The following INTU variants were observed in gnomAD, a reference collection of about 807,000 sequenced individuals.
INTU encodes inturned planar cell polarity protein.
A neutral mutation model predicts 100.5 loss-of-function variants in INTU; 68 were observed. The ratio of observed to expected loss-of-function variants is 0.68; its 90% CI spans 0.56 to 0.83. INTU has a LOEUF of 0.83. Ranked by LOEUF, INTU falls within the 40% of genes least tolerant of loss-of-function variation. The probability of loss-of-function intolerance (pLI) is 0.00; values close to 1 mark genes in which losing one functional copy is unlikely to be tolerated. For missense variants in INTU, 1,071 were observed against 1,114.7 expected, an observed-to-expected ratio of 0.96 and a Z score of 0.56; for synonymous variants, 357 against 395.7, an observed-to-expected ratio of 0.90 and a Z score of 1.16.
chr4:127,656,826 A>G (rs1335882118), intron 3 of INTU, 105 bp downstream of exon 3: 7 of 605,578 alleles, frequency 1.2e-5, no homozygotes, highest in African/African-American at 9.1e-5. Context: ...ATCATGTATA[A>G]TGGATGAGTT....
At chr4:127,636,415 A>G (rs2126170421) in intron 1 of INTU, among the ~76,000 whole-genome samples, 1 of 152,220 alleles carries the variant, frequency 6.6e-6, no homozygotes, top group African/African-American at 2.4e-5. Flanking sequence ...GTTCGAGACC[A>G]GCCTGGCCAA....
intron 8 of INTU, among the ~76,000 whole-genome samples, chr4:127,697,770 G>A (rs966253305): frequency 2.6e-5 from 4 of 152,066 alleles, no homozygotes; most frequent in Non-Finnish European, 5.9e-5. Flanking sequence ...TAAAAAGTAG[G>A]ATTTATTGAG....
At chr4:127,656,380 T>C (rs1728224306) in intron 2 of INTU, among the ~76,000 whole-genome samples, 1 of 152,226 alleles carries the variant, frequency 6.6e-6, no homozygotes, top group Non-Finnish European at 1.5e-5. Flanking sequence ...ATAAAAATAG[T>C]TATTTTTTAA....
intron 6 of INTU, among the ~76,000 whole-genome samples, chr4:127,678,520 G>A (rs1417107834): frequency 1.3e-5 from 2 of 152,082 alleles, no homozygotes; most frequent in Admixed American, 6.5e-5. Context: ...AAGTGAAGGA[G>A]AAATAAAATA....
intron 12 of INTU, 22 bp from the exon 13 acceptor site, chr4:127,708,549 T>G: frequency 8.1e-7 from 1 of 1,228,172 alleles, no homozygotes; most frequent in Non-Finnish European, 1.2e-6. Flanking sequence ...TATAAACTGA[T>G]CTACTTAACT....
chr4:127,645,447 T>C (rs976193694), intron 2 of INTU, among the ~76,000 whole-genome samples: 1 of 152,156 alleles, frequency 6.6e-6, no homozygotes, highest in African/African-American at 2.4e-5. Flanking sequence ...ACCATCTGCC[T>C]GTAACTGCAT....
rs377681633 is a variant in INTU at position 127,663,273 on chromosome 4, A to G, written c.769-108A>G. On this transcript the variant is annotated intron_variant, in intron 3 of 15. Transcript: ENST00000335251. ...GAGCACTCACTCTAGGATGATTTATATATACTGTACATACCTGGGTGTATG... is the reference window on the plus strand; with the variant it reads ...GAGCACTCACTCTAGGATGATTTATGTATACTGTACATACCTGGGTGTATG... 160 of 729,322 alleles carry G rather than the reference A, an allele frequency of 2.2e-4. 1 individual carries two copies. In the South Asian group the frequency reaches 2.6e-3, roughly 12 times the overall value. 45.2% of individuals were successfully genotyped at this position (729,322 alleles called of 1,614,324 possible). A position where few individuals can be genotyped will look rare whatever the true frequency, so the allele number is the denominator to read the frequency against.
chr4:127,654,300 G>A (rs536417248), intron 2 of INTU, among the ~76,000 whole-genome samples: 5 of 152,276 alleles, frequency 3.3e-5, no homozygotes, highest in South Asian at 4.1e-4. Context: ...GTTAGTTGAT[G>A]CAGTTTCTTC....
At chr4:127,675,165 A>G (rs554977707) in intron 6 of INTU, among the ~76,000 whole-genome samples, 63 of 152,340 alleles carry the variant, frequency 4.1e-4, no homozygotes, top group South Asian at 1.7e-3. Context: ...GACAACTTTT[A>G]TTAAGTAATT....
chr4:127,705,925 T>C (rs1730861867), intron 11 of INTU, 113 bp downstream of exon 11: 5 of 725,612 alleles, frequency 6.9e-6, no homozygotes, highest in Non-Finnish European at 1.2e-5. Context: ...ACTGTCTAAA[T>C]AAATACACAA....
intron 8 of INTU, among the ~76,000 whole-genome samples, chr4:127,693,245 A>G (rs935302706): frequency 1.3e-5 from 2 of 152,024 alleles, no homozygotes; most frequent in African/African-American, 4.8e-5. Flanking sequence ...GGTATTGTCT[A>G]TGATTTCTTT....
rs1435684859 is a variant in INTU at position 127,693,535 on chromosome 4, T to C, written c.1449+5668T>C. Among the ~76,000 whole-genome samples the C allele has an allele frequency of 4.6e-5, 7 of 152,260 alleles. No individual in the cohort carries two copies. The East Asian group carries it at 1.4e-3, about 29-fold the overall frequency. On this transcript the variant is annotated intron_variant, in intron 8 of 15. Coordinates refer to ENST00000335251, the MANE Select transcript of INTU (RefSeq NM_015693.4). Reference sequence around the variant, plus strand: ...ATTAGCAAACAGTGACAGTTTGACTTCTTCTTTACTTATTTGGATGCCCTT... The same window carrying C: ...ATTAGCAAACAGTGACAGTTTGACTCCTTCTTTACTTATTTGGATGCCCTT...
intron 7 of INTU, chr4:127,685,530 C>T (rs139294117): frequency 1.3e-5 from 6 of 451,384 alleles, no homozygotes; most frequent in Middle Eastern, 3.3e-4. Flanking sequence ...GGAGGCACAT[C>T]CCTGTCAAAC....
At chr4:127,670,178 T>C (rs1329913592) in intron 5 of INTU, among the ~76,000 whole-genome samples, 1 of 151,840 alleles carries the variant, frequency 6.6e-6, no homozygotes, top group Non-Finnish European at 1.5e-5. Flanking sequence ...ATCTAAGAAT[T>C]ATAAACAATT....
chr4:127,671,507 G>A (rs183237569), intron 5 of INTU, among the ~76,000 whole-genome samples: 1 of 152,194 alleles, frequency 6.6e-6, no homozygotes, highest in Admixed American at 6.5e-5. Flanking sequence ...CTTATACAGT[G>A]CTGGTGGAAT....
At chr4:127,710,694 A>G (rs902638294) in intron 13 of INTU, among the ~76,000 whole-genome samples, 1 of 152,146 alleles carries the variant, frequency 6.6e-6, no homozygotes, top group Non-Finnish European at 1.5e-5. Flanking sequence ...AACATGTAGT[A>G]TTTGCCTCCA....
At chr4:127,687,252 CT>C (rs1729869072) in intron 7 of INTU, 1 of 152,338 alleles carries the variant, frequency 6.6e-6, no homozygotes, top group African/African-American at 2.4e-5. Context: ...CTAGAAAGAG[CT>C]GTGATAAGCC....
chr4:127,639,267 C>T (rs1271511855), intron 1 of INTU, among the ~76,000 whole-genome samples: 1 of 152,000 alleles, frequency 6.6e-6, no homozygotes, highest in African/African-American at 2.4e-5. Flanking sequence ...TATCTTAGTC[C>T]TTTCCTGTTT....
intron 8 of INTU, among the ~76,000 whole-genome samples, chr4:127,692,023 G>A (rs998167950): frequency 1.3e-4 from 17 of 131,084 alleles, no homozygotes; most frequent in Non-Finnish European, 6.5e-5. Flanking sequence ...TGGGCATCTG[G>A]TTCCATATTT....
Sources: allele counts gnomAD v4.1 joint callset (sites outside exome capture counted in the v4.1 genomes callset), GRCh38; gene constraint gnomAD v4.1.1; transcripts MANE v1.5; gene names NCBI Gene and HGNC (gene_info 2026-07-23, HGNC 2026-07-21).